The following ODAD2 variants were observed in gnomAD, a reference collection of about 807,000 sequenced individuals.
ODAD2 encodes outer dynein arm docking complex subunit 2.
A neutral mutation model predicts 106.8 loss-of-function variants in ODAD2; 89 were observed. That is an observed-to-expected ratio of 0.83 (90% CI 0.70 to 0.99). ODAD2 has a LOEUF of 0.99. Ranked by LOEUF, ODAD2 falls within the 50% of genes least tolerant of loss-of-function variation. The pLI, the probability that ODAD2 is intolerant of heterozygous loss-of-function variation, is 0.00. For missense variants in ODAD2, 1,168 were observed against 1,238.5 expected, an observed-to-expected ratio of 0.94 and a Z score of 0.85; for synonymous variants, 404 against 436.2, an observed-to-expected ratio of 0.93 and a Z score of 0.92.
At chr10:27,829,025 T>G (rs1220487411) in intron 19 of ODAD2, among the ~76,000 whole-genome samples, 1 of 152,076 alleles carries the variant, frequency 6.6e-6, no homozygotes, top group African/African-American at 2.4e-5. Flanking sequence ...TTAAAATACA[T>G]GATGGGATAT....
chr10:27,950,884 CT>C (rs1414807607), intron 10 of ODAD2, among the ~76,000 whole-genome samples: 2 of 151,994 alleles, frequency 1.3e-5, no homozygotes, highest in African/African-American at 4.8e-5. Flanking sequence ...GAAGAATGAG[CT>C]GAATAATTAT....
intron 9 of ODAD2, among the ~76,000 whole-genome samples, chr10:27,968,141 A>G (rs905886690): frequency 6.6e-6 from 1 of 151,872 alleles, no homozygotes; most frequent in South Asian, 2.1e-4. Context: ...AAAAAAATAG[A>G]AAGTCTCAGC....
chr10:27,915,170 G>T (rs1804620898), intron 16 of ODAD2, among the ~76,000 whole-genome samples: 1 of 152,006 alleles, frequency 6.6e-6, no homozygotes, highest in Non-Finnish European at 1.5e-5. Context: ...TAATCAAATG[G>T]CTGAAACCCA....
Position 27,917,973 on chromosome 10 carries a change from T to C in ODAD2, c.2496-10196A>G, listed in dbSNP as rs149774081. ...TTACCAAAACTGACCCAAGAAGGAA[T>C]TGAAAATCTACATAGTGCCATATCT... is the stretch of plus-strand genomic sequence containing the variant. On this transcript the variant is annotated intron_variant, in intron 16 of 19. Coordinates refer to ENST00000305242, the MANE Select transcript of ODAD2 (RefSeq NM_018076.5). Among the ~76,000 whole-genome samples, 367 of 151,978 alleles carry C rather than the reference T, an allele frequency of 2.4e-3. 2 individuals are homozygous for C. The highest frequency in any genetic ancestry group is 7.9e-3 in the African/African-American group (326 of 41,510).
At chr10:27,944,987 A>T in intron 10 of ODAD2, 25 bp from the exon 11 acceptor site, 1 of 1,612,980 alleles carries the variant, frequency 6.2e-7, no homozygotes, top group Non-Finnish European at 8.5e-7. Flanking sequence ...TGCCAGAGAA[A>T]GGTTAAGGAA....
intron 16 of ODAD2, among the ~76,000 whole-genome samples, chr10:27,924,509 T>C (rs1845100247): frequency 6.8e-6 from 1 of 147,560 alleles, no homozygotes; most frequent in Non-Finnish European, 1.5e-5. Flanking sequence ...ACCAGAAATT[T>C]ATGTGGTAGA....
intron 19 of ODAD2, among the ~76,000 whole-genome samples, chr10:27,854,912 A>C (rs1231150152): frequency 6.6e-6 from 1 of 152,200 alleles, no homozygotes; most frequent in African/African-American, 2.4e-5. Flanking sequence ...GCCAAACAAA[A>C]AAACCAAGTA....
intron 19 of ODAD2, among the ~76,000 whole-genome samples, chr10:27,815,371 C>A (rs184474116): frequency 6.6e-6 from 1 of 152,284 alleles, no homozygotes; most frequent in Non-Finnish European, 1.5e-5. Flanking sequence ...ATTTTCTTCC[C>A]TTCATAGCCA....
chr10:27,930,186 T>G (rs925040958), intron 16 of ODAD2, among the ~76,000 whole-genome samples: 2 of 152,110 alleles, frequency 1.3e-5, no homozygotes, highest in Non-Finnish European at 2.9e-5. Flanking sequence ...CTATTTCTTT[T>G]CTGAGCTCTG....
At chr10:27,885,572 AT>A in intron 17 of ODAD2, among the ~76,000 whole-genome samples, 1 of 77,540 alleles carries the variant, frequency 1.3e-5, no homozygotes, top group African/African-American at 5.2e-5. Flanking sequence ...AAATATATAT[AT>A]ATATAAATAT....
At chr10:27,996,072 C>A (rs1262024637) in intron 1 of ODAD2, among the ~76,000 whole-genome samples, 1 of 152,192 alleles carries the variant, frequency 6.6e-6, no homozygotes, top group Non-Finnish European at 1.5e-5. Context: ...GTAACAAAAT[C>A]TGTAACGTTA....
At chr10:27,831,492 T>C (rs1404424150) in intron 19 of ODAD2, among the ~76,000 whole-genome samples, 1 of 152,214 alleles carries the variant, frequency 6.6e-6, no homozygotes, top group African/African-American at 2.4e-5. Context: ...TTTGAAGTTC[T>C]CAGCAAACCT....
intron 5 of ODAD2, 49 bp from the exon 6 acceptor site, chr10:27,984,028 T>G: frequency 1.3e-6 from 2 of 1,583,078 alleles, no homozygotes; most frequent in Non-Finnish European, 1.7e-6. Context: ...ACCTAGAGTT[T>G]GGTAAAAAGT....
intron 10 of ODAD2, among the ~76,000 whole-genome samples, chr10:27,954,969 TAA>T (rs1156624098): frequency 1.3e-5 from 2 of 152,214 alleles, no homozygotes. Context: ...TGATGGAATT[TAA>T]ATATGTTATG....
chr10:27,853,914 A>C (rs1349018536), intron 19 of ODAD2, among the ~76,000 whole-genome samples: 1 of 152,216 alleles, frequency 6.6e-6, no homozygotes, highest in Non-Finnish European at 1.5e-5. Context: ...CCAGCGTTAA[A>C]AACTTCTGCT....
Position 27,944,286 on chromosome 10 carries a change from G to A in ODAD2, c.1679C>T (p.Ala560Val), listed in dbSNP as rs749814633. The change falls in exon 12 of 20, where the codon GCG becomes GTG. Residue 560 changes from alanine to valine, a missense_variant. This residue lies in a region of ODAD2 where 701 missense variants were observed against 712.3 expected (regional missense o/e 0.98). Transcript: ENST00000305242. ...TGCTCTTTTAAACTTGGCAACATTC[G>A]CGATAGTCTCGGCTGCCAAACATTT... is the stretch of plus-strand genomic sequence containing the variant. The part of the protein sequence containing the change: ...SLKCLAAETI[A>V]NVAKFKRARR... 32 of 1,613,822 alleles carry A rather than the reference G, an allele frequency of 2.0e-5. No homozygotes were observed. The East Asian group carries it at 3.1e-4, about 16-fold the overall frequency.
At chr10:27,893,137 C>T (rs755848005) in intron 17 of ODAD2, among the ~76,000 whole-genome samples, 23 of 150,562 alleles carry the variant, frequency 1.5e-4, no homozygotes, top group Admixed American at 6.0e-4. Context: ...CCAACCTGGG[C>T]GACAGAGCCA....
At chr10:27,865,644 T>C (rs1840383676) in intron 17 of ODAD2, among the ~76,000 whole-genome samples, 2 of 152,236 alleles carry the variant, frequency 1.3e-5, no homozygotes, top group Admixed American at 1.3e-4. Flanking sequence ...GCTGTCTCAT[T>C]CATTGTTGAA....
chr10:27,962,032 C>T (rs2132856955), intron 9 of ODAD2, among the ~76,000 whole-genome samples: 1 of 152,290 alleles, frequency 6.6e-6, no homozygotes, highest in East Asian at 1.9e-4. Context: ...CCTCATCACA[C>T]CACTGCACTC....
Sources: gnomAD v4.1 joint callset for allele counts (sites outside exome capture counted in the v4.1 genomes callset) on GRCh38, gnomAD v4.1.1 for gene constraint, gnomAD v4.1.1 regional missense constraint, MANE v1.5 for transcripts, NCBI Gene and HGNC (gene_info 2026-07-23, HGNC 2026-07-21) for gene names.